Variants in FRMD4B observed in about 807,000 individuals in gnomAD.
The protein encoded by FRMD4B is FERM domain-containing protein 4B.
Under a neutral mutation model 141.5 loss-of-function variants are expected in FRMD4B, and 74 were observed. That is an observed-to-expected ratio of 0.52 (90% CI 0.43 to 0.63). The LOEUF (loss-of-function observed/expected upper bound fraction) is 0.63, where lower values mean the gene tolerates loss of function less well. Ranked by LOEUF, FRMD4B falls within the 30% of genes least tolerant of loss-of-function variation. The pLI is 0.00. For missense variants in FRMD4B, 1,366 were observed against 1,253.4 expected (o/e 1.09, Z -1.36); for synonymous variants, 506 against 467.9 (o/e 1.08, Z -1.05).
intron 1 of FRMD4B, among the ~76,000 whole-genome samples, chr3:69,461,351 G>C (rs1705703399): frequency 1.3e-5 from 2 of 151,786 alleles, no homozygotes; most frequent in East Asian, 3.9e-4. Context: ...TTGAAGCTGG[G>C]AGTTCGAGAC....
chr3:69,213,323 C>T (rs1351694616), intron 11 of FRMD4B, among the ~76,000 whole-genome samples: 1 of 148,114 alleles, frequency 6.8e-6, no homozygotes, highest in Admixed American at 6.8e-5. Context: ...GTAGTGTTTG[C>T]TGCCATTTTT....
chr3:69,260,015 C>T (rs980353367), intron 5 of FRMD4B, among the ~76,000 whole-genome samples: 1 of 152,294 alleles, frequency 6.6e-6, no homozygotes, highest in Non-Finnish European at 1.5e-5. Context: ...ATATCACACT[C>T]GTCCTATGTG....
rs150490807 is a variant in FRMD4B, at chr3:69,423,290, A to G, written c.-1+9344T>C. Among the ~76,000 whole-genome samples the G allele has an allele frequency of 5.3e-5, 8 of 152,340 alleles. No individual in the cohort carries two copies. In the East Asian group the frequency reaches 1.5e-3, roughly 29 times the overall value. On this transcript the variant is annotated intron_variant, in intron 2 of 5. Coordinates refer to the FRMD4B transcript ENST00000459638. ...TGGCCTCCCAAAGCGCTGCAATTAC[A>G]GGCATGAGCCACCACACTTAGCCTT...
At chr3:69,223,836 C>G (rs1050632919) in intron 8 of FRMD4B, among the ~76,000 whole-genome samples, 2 of 152,100 alleles carry the variant, frequency 1.3e-5, no homozygotes, top group African/African-American at 4.8e-5. Flanking sequence ...CTCAAAAAAA[C>G]AAAACAAACA....
At chr3:69,334,944 C>T (rs562384564) in intron 1 of FRMD4B, among the ~76,000 whole-genome samples, 2 of 152,258 alleles carry the variant, frequency 1.3e-5, no homozygotes, top group African/African-American at 4.8e-5. Flanking sequence ...GTGTTAAGTA[C>T]CATGAAAATG....
chr3:69,314,153 A>AC (rs1701715127), intron 1 of FRMD4B, among the ~76,000 whole-genome samples: 3 of 127,122 alleles, frequency 2.4e-5, no homozygotes, highest in Non-Finnish European at 4.9e-5. Context: ...AAAAAAAAAA[A>AC]AAAAAAAAAA....
At chr3:69,225,519 C>CAAAAAAAA (rs35855787) in intron 7 of FRMD4B, among the ~76,000 whole-genome samples, 6 of 50,572 alleles carry the variant, frequency 1.2e-4, no homozygotes, top group Admixed American at 6.5e-4. Context: ...ACTAAAAATA[C>CAAAAAAAA]AAAAAAAAAA....
At chr3:69,333,751 A>G (rs1286812255) in intron 1 of FRMD4B, among the ~76,000 whole-genome samples, 1 of 152,022 alleles carries the variant, frequency 6.6e-6, no homozygotes, top group Admixed American at 6.6e-5. Context: ...GGCTTCATCC[A>G]TTGTCTTGTT....
At chr3:69,366,687 T>C (rs1310569247) in intron 1 of FRMD4B, among the ~76,000 whole-genome samples, 4 of 151,338 alleles carry the variant, frequency 2.6e-5, no homozygotes, top group South Asian at 2.1e-4. Context: ...AAAAACTCTA[T>C]AGTTCTTAAA....
chr3:69,456,405 G>C (rs1341082638), intron 1 of FRMD4B, among the ~76,000 whole-genome samples: 1 of 152,126 alleles, frequency 6.6e-6, no homozygotes, highest in African/African-American at 2.4e-5. Flanking sequence ...AAAAATGATG[G>C]TTTTTCATAA....
intron 1 of FRMD4B, among the ~76,000 whole-genome samples, chr3:69,501,832 G>T (rs1036242628): frequency 6.6e-6 from 1 of 152,132 alleles, no homozygotes; most frequent in African/African-American, 2.4e-5. Context: ...CTTCAGCAAA[G>T]TCTCAGGATA....
chr3:69,345,098 T>G (rs1036249772), intron 1 of FRMD4B, among the ~76,000 whole-genome samples: 2 of 152,010 alleles, frequency 1.3e-5, no homozygotes, highest in Non-Finnish European at 2.9e-5. Flanking sequence ...AAAGTGAAGC[T>G]GTGACAGATG....
At chr3:69,237,013 C>CG (rs2093349457) in intron 7 of FRMD4B, among the ~76,000 whole-genome samples, 1 of 152,140 alleles carries the variant, frequency 6.6e-6, no homozygotes, top group Admixed American at 6.5e-5. Context: ...TCCACCTAGC[C>CG]GGGTAAGCGA....
At chr3:69,339,784 T>C (rs1702673391) in intron 1 of FRMD4B, among the ~76,000 whole-genome samples, 2 of 152,050 alleles carry the variant, frequency 1.3e-5, no homozygotes, top group African/African-American at 4.8e-5. Context: ...AATATTAAAT[T>C]GATGTGAAAT....
chr3:69,221,644 A>T (rs995108777), intron 9 of FRMD4B, among the ~76,000 whole-genome samples: 3 of 152,058 alleles, frequency 2.0e-5, no homozygotes, highest in South Asian at 4.2e-4. Context: ...TCTGGTCTAC[A>T]TTTCTCATTT....
At chr3:69,181,758 G>T in intron 20 of FRMD4B, 48 bp from the exon 21 acceptor site, 1 of 1,171,580 alleles carries the variant, frequency 8.5e-7, no homozygotes, top group South Asian at 1.4e-5. Context: ...AGAAAAGGAG[G>T]ACCCAAATAA....
intron 5 of FRMD4B, among the ~76,000 whole-genome samples, chr3:69,258,225 C>T (rs1406825834): frequency 1.3e-5 from 2 of 152,190 alleles, no homozygotes; most frequent in African/African-American, 2.4e-5. Flanking sequence ...CTCAGCTTCC[C>T]AAAGTGCTGG....
Position 69,286,013 on chromosome 3 carries a change from T to C in FRMD4B, c.501+1739A>G, listed in dbSNP as rs143425832. ...AGATAGTGAATCAGTATTTCTAAAGTACGGAGAGAGAAAAACTGCCAACAA... is the reference window on the plus strand; with the variant it reads ...AGATAGTGAATCAGTATTTCTAAAGCACGGAGAGAGAAAAACTGCCAACAA... On this transcript the variant is annotated intron_variant, in intron 5 of 22. Transcript: ENST00000398540. 6.0e-3 allele frequency among the ~76,000 whole-genome samples: 921 copies of C among 152,246 alleles called. 10 individuals carry two copies. Among genetic ancestry groups the C allele is most frequent in the African/African-American group, 0.021 (861 of 41,532 alleles).
At chr3:69,338,678 AC>A (rs2107365239) in intron 1 of FRMD4B, among the ~76,000 whole-genome samples, 1 of 152,264 alleles carries the variant, frequency 6.6e-6, no homozygotes, top group African/African-American at 2.4e-5. Context: ...ACCGAGGCCT[AC>A]TTGAGGGTAG....
Sources: gnomAD v4.1 joint callset for allele counts (sites outside exome capture counted in the v4.1 genomes callset) on GRCh38, gnomAD v4.1.1 for gene constraint, MANE v1.5 for transcripts, NCBI Gene and HGNC (gene_info 2026-07-23, HGNC 2026-07-21) for gene names.